The following ANO3 variants were observed in gnomAD, a reference collection of about 807,000 sequenced individuals.
ANO3 encodes the protein anoctamin 3.
In ANO3, 99 loss-of-function variants were observed where a neutral mutation model predicts 144.8. That is an observed-to-expected ratio of 0.68 (90% CI 0.58 to 0.81). The LOEUF is 0.81. Among genes scored for constraint, ANO3 ranks in the 30% least tolerant of loss-of-function variants. The pLI, the probability that ANO3 is intolerant of heterozygous loss-of-function variation, is 0.00. For missense variants in ANO3, 905 were observed against 1,202.2 expected (o/e 0.75, Z 3.66); for synonymous variants, 414 against 392.6 (o/e 1.05, Z -0.64).
intron 1 of ANO3, among the ~76,000 whole-genome samples, chr11:26,244,853 T>C (rs1486909259): frequency 6.6e-6 from 1 of 152,132 alleles, no homozygotes; most frequent in African/African-American, 2.4e-5. Flanking sequence ...TTTCCCCAAT[T>C]GTCCTGATAA....
chr11:26,497,871 G>A (rs928869483), intron 4 of ANO3, among the ~76,000 whole-genome samples: 1 of 151,920 alleles, frequency 6.6e-6, no homozygotes, highest in African/African-American at 2.4e-5. Context: ...TAGCATATAA[G>A]ATCAAATTTT....
intron 1 of ANO3, among the ~76,000 whole-genome samples, chr11:26,269,342 T>C (rs1316342357): frequency 6.6e-6 from 1 of 152,138 alleles, no homozygotes; most frequent in Non-Finnish European, 1.5e-5. Context: ...AGGGGAGACG[T>C]GGAAGGCACG....
intron 1 of ANO3, among the ~76,000 whole-genome samples, chr11:26,389,173 A>G (rs928038019): frequency 1.3e-5 from 2 of 152,254 alleles, no homozygotes; most frequent in Non-Finnish European, 2.9e-5. Context: ...GATAAAATCA[A>G]TTTTGTCAGA....
At chr11:26,282,762 G>A (rs951275109) in intron 1 of ANO3, among the ~76,000 whole-genome samples, 1 of 152,040 alleles carries the variant, frequency 6.6e-6, no homozygotes, top group Non-Finnish European at 1.5e-5. Context: ...AGCCTCAGTA[G>A]TCTTAAATTT....
chr11:26,523,660 A>G (rs1254639763), intron 6 of ANO3, among the ~76,000 whole-genome samples: 5 of 152,200 alleles, frequency 3.3e-5, no homozygotes, highest in Non-Finnish European at 5.9e-5. Flanking sequence ...AATTAAGTCT[A>G]TTATTTTTCA....
intron 1 of ANO3, among the ~76,000 whole-genome samples, chr11:26,268,121 G>T (rs1490425797): frequency 6.6e-6 from 1 of 152,072 alleles, no homozygotes; most frequent in Non-Finnish European, 1.5e-5. Flanking sequence ...GTCAAATACT[G>T]CCTGAAGCAC....
chr11:26,514,466 C>T (rs1291076592), intron 5 of ANO3, among the ~76,000 whole-genome samples: 2 of 152,128 alleles, frequency 1.3e-5, no homozygotes, highest in East Asian at 3.9e-4. Context: ...TCTTCATTTT[C>T]CAGATGAGAA....
chr11:26,541,857 A>T, intron 10 of ANO3, 90 bp from the exon 11 acceptor site: 1 of 1,256,586 alleles, frequency 8.0e-7, no homozygotes, highest in South Asian at 1.9e-5. Context: ...ATAAGTTGTT[A>T]AATTATTCTG....
At position 26,276,383 on chromosome 11, in the gene ANO3, A is replaced by T. The variant is rs1199065773; in HGVS notation, c.155-33262A>T. On this transcript the variant is annotated intron_variant, in intron 1 of 27. Coordinates refer to the ANO3 transcript ENST00000672621. ...TCTGAATCAGGGCCCATCAGACCCCATTCGAGAAACTCTGGCTTCATTTGT... is the reference window on the plus strand; with the variant it reads ...TCTGAATCAGGGCCCATCAGACCCCTTTCGAGAAACTCTGGCTTCATTTGT... 2.6e-5 allele frequency among the ~76,000 whole-genome samples: 4 copies of T among 152,158 alleles called. No homozygotes were observed. In the South Asian group the frequency reaches 8.3e-4, roughly 32 times the overall value.
At chr11:26,423,396 G>C (rs1320911888) in intron 1 of ANO3, among the ~76,000 whole-genome samples, 2 of 148,214 alleles carry the variant, frequency 1.3e-5, no homozygotes, top group Non-Finnish European at 3.0e-5. Flanking sequence ...TTAATGCCTG[G>C]CATAGGGAAA....
chr11:26,448,798 T>G (rs1044946683), intron 3 of ANO3, among the ~76,000 whole-genome samples: 1 of 152,140 alleles, frequency 6.6e-6, no homozygotes, highest in African/African-American at 2.4e-5. Context: ...AAGGTCCTCT[T>G]GCCTCAATTT....
intron 1 of ANO3, among the ~76,000 whole-genome samples, chr11:26,301,393 A>G (rs1383532959): frequency 6.6e-6 from 1 of 152,242 alleles, no homozygotes; most frequent in Admixed American, 6.5e-5. Flanking sequence ...ATATGCAGTT[A>G]AAATAATTTT....
At chr11:26,292,890 C>T (rs1853992459) in intron 1 of ANO3, among the ~76,000 whole-genome samples, 1 of 152,094 alleles carries the variant, frequency 6.6e-6, no homozygotes, top group Non-Finnish European at 1.5e-5. Flanking sequence ...GTCAGGGACC[C>T]ACGAGGAGGC....
intron 26 of ANO3, among the ~76,000 whole-genome samples, chr11:26,659,081 C>CACACACACAT (rs1853790776): frequency 8.0e-6 from 1 of 124,558 alleles, no homozygotes; most frequent in African/African-American, 2.7e-5. Context: ...TTGAGCCATA[C>CACACACACAT]ACACACACAC....
chr11:26,405,837 G>A (rs1857263499), intron 1 of ANO3, among the ~76,000 whole-genome samples: 1 of 151,814 alleles, frequency 6.6e-6, no homozygotes, highest in African/African-American at 2.4e-5. Flanking sequence ...GAAAGACTGA[G>A]GAATCTGCCT....
At chr11:26,528,558 G>A (rs1203394152) in intron 7 of ANO3, among the ~76,000 whole-genome samples, 1 of 152,176 alleles carries the variant, frequency 6.6e-6, no homozygotes, top group African/African-American at 2.4e-5. Flanking sequence ...GCTGTAGCCT[G>A]TCAGCATTTT....
At chr11:26,231,390 G>C (rs562094480) in intron 1 of ANO3, among the ~76,000 whole-genome samples, 1 of 152,120 alleles carries the variant, frequency 6.6e-6, no homozygotes, top group African/African-American at 2.4e-5. Flanking sequence ...ACTCACCACA[G>C]CCACGCATTT....
chr11:26,656,667 T>A (rs1035275009), intron 26 of ANO3, among the ~76,000 whole-genome samples, 186 bp downstream of exon 26: 6 of 151,950 alleles, frequency 3.9e-5, no homozygotes, highest in Admixed American at 1.3e-4. Context: ...AATGTAAGAG[T>A]GTACATTAAT....
chr11:26,569,240 C>A (rs553862059), intron 14 of ANO3, among the ~76,000 whole-genome samples: 1 of 152,184 alleles, frequency 6.6e-6, no homozygotes, highest in East Asian at 1.9e-4. Flanking sequence ...ATCAACACCC[C>A]CAAACGTGCG....
Sources: gnomAD v4.1 joint callset for allele counts (sites outside exome capture counted in the v4.1 genomes callset) on GRCh38, gnomAD v4.1.1 for gene constraint, MANE v1.5 for transcripts, NCBI Gene and HGNC (gene_info 2026-07-23, HGNC 2026-07-21) for gene names.